SEPTIN11: variants seen among roughly 807,000 people sequenced by gnomAD.
SEPTIN11 encodes the protein septin-11.
SEPTIN11 carries 25 observed loss-of-function variants against 51.4 expected under a neutral mutation model. The ratio of observed to expected loss-of-function variants is 0.49; its 90% CI spans 0.35 to 0.68. SEPTIN11 has a LOEUF of 0.68. Ranked by LOEUF, SEPTIN11 falls within the 30% of genes least tolerant of loss-of-function variation. SEPTIN11 has a pLI of 0.00. For synonymous variants in SEPTIN11, 174 were observed against 184.1 expected, an observed-to-expected ratio of 0.95 and a Z score of 0.44; for missense variants, 381 against 520.8, an observed-to-expected ratio of 0.73 and a Z score of 2.61.
chr4:77,023,631 T>A (rs1425380424), intron 7 of SEPTIN11, among the ~76,000 whole-genome samples: 1 of 152,162 alleles, frequency 6.6e-6, no homozygotes, highest in Non-Finnish European at 1.5e-5. Context: ...ATCACATGTC[T>A]TGGTAAATAG....
chr4:77,036,700 C>A lies in SEPTIN11; in HGVS notation c.*2188C>A. On this transcript the variant is annotated 3_prime_UTR_variant, in exon 10 of 10. Transcript: ENST00000264893. ...TTCTGAACTTTTTTCTGCCACTGCTCCCTAGCCCTGTTTAGTTTGTTATTG... is the reference window on the plus strand; with the variant it reads ...TTCTGAACTTTTTTCTGCCACTGCTACCTAGCCCTGTTTAGTTTGTTATTG... The A allele has an allele frequency of 6.5e-7, 1 of 1,534,962 alleles. No individual in the cohort carries two copies. Among genetic ancestry groups the A allele is most frequent in the South Asian group, 1.2e-5 (1 of 83,854 alleles).
chr4:76,969,738 C>T (rs1385582537), intron 1 of SEPTIN11, among the ~76,000 whole-genome samples: 2 of 152,148 alleles, frequency 1.3e-5, no homozygotes, highest in Non-Finnish European at 2.9e-5. Context: ...CAAACAGCAA[C>T]ATAGTAATGG....
intron 5 of SEPTIN11, 150 bp downstream of exon 5, chr4:77,015,167 A>G: frequency 1.6e-6 from 1 of 633,276 alleles, no homozygotes; most frequent in Non-Finnish European, 2.6e-6. Flanking sequence ...TCATTTAACC[A>G]GTCTGCTCCT....
chr4:77,027,386 T>G (rs1341336004), intron 7 of SEPTIN11, among the ~76,000 whole-genome samples: 1 of 152,224 alleles, frequency 6.6e-6, no homozygotes. Context: ...TCCTCCTGCC[T>G]CGGCCTCCCA....
In SEPTIN11 at chr4:77,034,840, A is replaced by G. The variant is rs1249840205; in HGVS notation, c.*328A>G. The G allele has an allele frequency of 2.9e-6, 3 of 1,041,192 alleles. No individual in the cohort carries two copies. The highest frequency in any genetic ancestry group is 7.5e-5 in the East Asian group (1 of 13,330). The allele number at this position is 1,041,192 out of a possible 1,614,324, so 64.5% of individuals were successfully genotyped here. The stretch of plus-strand genomic sequence containing the variant: ...ACAGAGGAAAGTGGGGTAAAATGCT[A>G]CCTGTACGTCTGACATGAAAACTTC... On this transcript the variant is annotated 3_prime_UTR_variant, in exon 10 of 10. Coordinates refer to ENST00000264893, the MANE Select transcript of SEPTIN11 (RefSeq NM_018243.4).
intron 1 of SEPTIN11, among the ~76,000 whole-genome samples, chr4:76,985,375 T>C (rs185433027): frequency 2.0e-5 from 3 of 152,366 alleles, no homozygotes; most frequent in Admixed American, 6.5e-5. Context: ...GCTGTTTTGC[T>C]AGTGATTCCC....
In SEPTIN11 at chr4:76,949,877, G is replaced by A. The variant is rs754095231; in HGVS notation, c.-27G>A. On this transcript the variant is annotated 5_prime_UTR_variant, in exon 1 of 10. Coordinates refer to ENST00000264893, the MANE Select transcript of SEPTIN11 (RefSeq NM_018243.4). ...CGGAGTCGGCGTAAAGCACCCGGGC[G>A]CAGCCGGAGCCGGTGCCGCAGCTGC... 7 of 1,520,554 alleles carry A rather than the reference G, an allele frequency of 4.6e-6. No homozygotes were observed. The highest frequency in any genetic ancestry group is 2.7e-5 in the East Asian group (1 of 37,124). The allele number at this position is 1,520,554 out of a possible 1,614,324, so 94.2% of individuals were successfully genotyped here. A position where few individuals can be genotyped will look rare whatever the true frequency, so the allele number is the denominator to read the frequency against.
chr4:76,996,272 C>T (rs1424888540), intron 1 of SEPTIN11, among the ~76,000 whole-genome samples, 153 bp from the exon 2 acceptor site: 1 of 152,164 alleles, frequency 6.6e-6, no homozygotes, highest in Non-Finnish European at 1.5e-5. Context: ...GTTGTTAGTG[C>T]CCTCAGCTGT....
Position 77,024,463 on chromosome 4 carries a change from T to C in SEPTIN11, c.953+3793T>C, listed in dbSNP as rs982805336. Reference sequence around the variant, plus strand: ...GACCCCAGCCCCTTTCTGGCTGGCATTATAGGGTAGAAGAGGAGACGTCAC... The same window carrying C: ...GACCCCAGCCCCTTTCTGGCTGGCACTATAGGGTAGAAGAGGAGACGTCAC... On this transcript the variant is annotated intron_variant, in intron 7 of 9. Coordinates refer to ENST00000264893, the MANE Select transcript of SEPTIN11 (RefSeq NM_018243.4). The surrounding 1 kb of genome is among the most constrained non-coding windows in gnomAD (Gnocchi z 4.2). Among the ~76,000 whole-genome samples the C allele has an allele frequency of 2.6e-5, 4 of 151,964 alleles. No individual in the cohort carries two copies. Among genetic ancestry groups the C allele is most frequent in the Admixed American group, 2.6e-4 (4 of 15,282 alleles).
intron 7 of SEPTIN11, chr4:77,021,301 C>T (rs1438175693): frequency 6.6e-6 from 1 of 152,394 alleles, no homozygotes; most frequent in African/African-American, 2.4e-5. Context: ...GCCCAGACCC[C>T]GTCAGAATCC....
chr4:76,959,216 G>A (rs1169930912), intron 1 of SEPTIN11: 11 of 313,508 alleles, frequency 3.5e-5, no homozygotes, highest in Middle Eastern at 7.6e-4. Flanking sequence ...CGATGGAAAC[G>A]GATCCAAAGC....
chr4:76,973,475 C>G, intron 1 of SEPTIN11, among the ~76,000 whole-genome samples: 1 of 152,188 alleles, frequency 6.6e-6, no homozygotes, highest in Non-Finnish European at 1.5e-5. Flanking sequence ...GCTGTTGATG[C>G]CCAGAGGAGG....
At chr4:76,980,574 T>C (rs1722720939) in intron 1 of SEPTIN11, among the ~76,000 whole-genome samples, 1 of 152,226 alleles carries the variant, frequency 6.6e-6, no homozygotes, top group Non-Finnish European at 1.5e-5. Context: ...CTTAACTCTG[T>C]GTAGCCATGA....
chr4:76,976,129 T>A (rs1488542618), intron 1 of SEPTIN11, among the ~76,000 whole-genome samples: 1 of 152,216 alleles, frequency 6.6e-6, no homozygotes, highest in Non-Finnish European at 1.5e-5. Context: ...TGTAAAAGAT[T>A]ATGAGGTATC....
In SEPTIN11 at chr4:76,996,557, C is replaced by T; in HGVS notation, c.142+18C>T. On this transcript the variant is annotated intron_variant, in intron 2 of 9. Coordinates refer to ENST00000264893, the MANE Select transcript of SEPTIN11 (RefSeq NM_018243.4). Reference sequence around the variant, plus strand: ...TTGTGTTGGTAAGTTATTCATCACCCCACAGCAAGAAATTTGATCCTTAGA... The same window carrying T: ...TTGTGTTGGTAAGTTATTCATCACCTCACAGCAAGAAATTTGATCCTTAGA... 6.5e-7 allele frequency: 1 copy of T among 1,541,750 alleles called. No individual in the cohort carries two copies. The highest frequency in any genetic ancestry group is 2.2e-5 in the East Asian group (1 of 44,476).
chr4:77,005,611 C>T lies in SEPTIN11; in HGVS notation c.153C>T (p.Gly51=). Residue 51 remains glycine, a synonymous_variant, in exon 3 of 10, where the codon GGC becomes GGT. Transcript: ENST00000264893. ...TTTGTGGTTATGTAGGTGAGACAGGCATTGGCAAATCCACGTTAATGGACA... is the reference window on the plus strand; with the variant it reads ...TTTGTGGTTATGTAGGTGAGACAGGTATTGGCAAATCCACGTTAATGGACA... ...CFNILCVGET[G]IGKSTLMDTL... is the part of the protein sequence containing the mutation. 1 of 1,613,270 alleles carries T rather than the reference C, an allele frequency of 6.2e-7. No individual in the cohort carries two copies. The highest frequency in any genetic ancestry group is 8.5e-7 in the Non-Finnish European group (1 of 1,179,524).
chr4:76,967,023 C>T (rs1384576387), intron 1 of SEPTIN11, among the ~76,000 whole-genome samples: 1 of 151,918 alleles, frequency 6.6e-6, no homozygotes, highest in African/African-American at 2.4e-5. Flanking sequence ...ATGGCAAAAC[C>T]GTGTCTCTAC....
chr4:77,037,889 T>C lies in SEPTIN11; in HGVS notation c.*3377T>C, dbSNP rs1727142553. 1 of 985,812 alleles carries C rather than the reference T, an allele frequency of 1.0e-6. No individual in the cohort carries two copies. Among genetic ancestry groups the C allele is most frequent in the African/African-American group, 1.7e-5 (1 of 57,254 alleles). 61.1% of individuals were successfully genotyped at this position (985,812 alleles called of 1,614,324 possible). ...GATTACTTATCTTCCTTCTCTGCTTTGTGACTCACCAGCAGTAACACACAC... is the reference window on the plus strand; with the variant it reads ...GATTACTTATCTTCCTTCTCTGCTTCGTGACTCACCAGCAGTAACACACAC... On this transcript the variant is annotated 3_prime_UTR_variant, in exon 10 of 10. Coordinates refer to ENST00000264893, the MANE Select transcript of SEPTIN11 (RefSeq NM_018243.4).
At chr4:76,982,905 T>C (rs1399010861) in intron 1 of SEPTIN11, among the ~76,000 whole-genome samples, 1 of 152,196 alleles carries the variant, frequency 6.6e-6, no homozygotes, top group Non-Finnish European at 1.5e-5. Flanking sequence ...TATCTATCTT[T>C]TTTCTCCTGG....
Sources: gnomAD v4.1 joint callset for allele counts (sites outside exome capture counted in the v4.1 genomes callset) on GRCh38, gnomAD v4.1.1 for gene constraint, Gnocchi (gnomAD v3.1) non-coding constraint, MANE v1.5 for transcripts, NCBI Gene and HGNC (gene_info 2026-07-23, HGNC 2026-07-21) for gene names.